The following RAB3B variants were observed in gnomAD, a reference collection of about 807,000 sequenced individuals.
The protein encoded by RAB3B is ras-related protein Rab-3B.
Under a neutral mutation model 20.5 loss-of-function variants are expected in RAB3B, and 11 were observed. The observed-to-expected ratio is 0.54, with a 90% CI of 0.34 to 0.89. The LOEUF (loss-of-function observed/expected upper bound fraction) is 0.89. RAB3B is among the 40% of genes least tolerant of loss of function. The pLI is 0.02. For missense variants in RAB3B, 225 were observed against 280.9 expected (o/e 0.80, Z 1.42); for synonymous variants, 99 against 106.3 (o/e 0.93, Z 0.42).
intron 1 of RAB3B, among the ~76,000 whole-genome samples, chr1:51,979,236 G>A (rs896594885): frequency 1.0e-4 from 15 of 150,128 alleles, no homozygotes; most frequent in African/African-American, 3.7e-4. Context: ...TGCAAAGGCT[G>A]TTGCAAGAAC....
In RAB3B at chr1:51,914,773, A is replaced by C. The variant is rs1190153152; in HGVS notation, c.*5154T>G. ...TCTGAAATCAATGAGATCCCAGGAC[A>C]CTGGTTATTGTAGTTCTTTCCCCTT... On this transcript the variant is annotated 3_prime_UTR_variant, in exon 5 of 5. Coordinates refer to ENST00000371655, the MANE Select transcript of RAB3B (RefSeq NM_002867.4). 1 of 152,140 alleles carries C rather than the reference A, an allele frequency of 6.6e-6. No individual in the cohort carries two copies. The highest frequency in any genetic ancestry group is 2.1e-4 in the South Asian group (1 of 4,828). 9.4% of individuals were successfully genotyped at this position (152,140 alleles called of 1,614,324 possible).
chr1:51,919,846 T>C lies in RAB3B; in HGVS notation c.*81A>G. ...GCAGTGTGTAACAGGGAGAGTGGGC[T>C]GAGAGCGGACAGTGTGTAACAGGGA... On this transcript the variant is annotated 3_prime_UTR_variant, in exon 5 of 5. Coordinates refer to ENST00000371655, the MANE Select transcript of RAB3B (RefSeq NM_002867.4). The C allele has an allele frequency of 7.3e-7, 1 of 1,374,422 alleles. No homozygotes were observed. Among genetic ancestry groups the C allele is most frequent in the Non-Finnish European group, 9.9e-7 (1 of 1,007,522 alleles). 85.1% of individuals were successfully genotyped at this position (1,374,422 alleles called of 1,614,324 possible).
intron 2 of RAB3B, among the ~76,000 whole-genome samples, chr1:51,961,925 C>G (rs530015963): frequency 1.3e-5 from 2 of 152,120 alleles, no homozygotes; most frequent in African/African-American, 4.8e-5. Context: ...TGTCAGCCAC[C>G]AAGCCCCGCT....
At chr1:51,960,144 T>C (rs1234820897) in intron 2 of RAB3B, among the ~76,000 whole-genome samples, 2 of 151,980 alleles carry the variant, frequency 1.3e-5, no homozygotes, top group Non-Finnish European at 2.9e-5. Context: ...GAATCTAAGG[T>C]AGGAAAGGGC....
At chr1:51,970,282 A>ACCAGCAC (rs1312626034) in intron 2 of RAB3B, among the ~76,000 whole-genome samples, 1 of 151,976 alleles carries the variant, frequency 6.6e-6, no homozygotes. Flanking sequence ...TTGCTTGGCA[A>ACCAGCAC]CCAGCACCCA....
chr1:51,933,292 T>A, intron 4 of RAB3B, 26 bp downstream of exon 4: 1 of 1,611,556 alleles, frequency 6.2e-7, no homozygotes. Flanking sequence ...AATGCACACA[T>A]GCACATACAT....
chr1:51,963,976 C>G (rs112997633), intron 2 of RAB3B, among the ~76,000 whole-genome samples: 1 of 152,276 alleles, frequency 6.6e-6, no homozygotes, highest in East Asian at 1.9e-4. Context: ...ACCATACGAA[C>G]GTGCTGCTAC....
Position 51,919,678 on chromosome 1 carries a change from A to C in RAB3B, c.*249T>G. 1 of 385,136 alleles carries C rather than the reference A, an allele frequency of 2.6e-6. No homozygotes were observed. The highest frequency in any genetic ancestry group is 4.6e-6 in the Non-Finnish European group (1 of 215,916). The allele number at this position is 385,136 out of a possible 1,614,324, so 23.9% of individuals were successfully genotyped here. A position where few individuals can be genotyped will look rare whatever the true frequency, so the allele number is the denominator to read the frequency against. ...GTAGTGAATCCCCTTCGTAAAACAGAGTCTTCTTTTGTAAAGTGATTCTGC... is the reference window on the plus strand; with the variant it reads ...GTAGTGAATCCCCTTCGTAAAACAGCGTCTTCTTTTGTAAAGTGATTCTGC... On this transcript the variant is annotated 3_prime_UTR_variant, in exon 5 of 5. Transcript: ENST00000371655.
Position 51,914,614 on chromosome 1 carries a change from C to G in RAB3B, c.*5313G>C, listed in dbSNP as rs1355882897. 2 of 152,100 alleles carry G rather than the reference C, an allele frequency of 1.3e-5. No individual in the cohort carries two copies. The highest frequency in any genetic ancestry group is 4.8e-5 in the African/African-American group (2 of 41,406). The allele number at this position is 152,100 out of a possible 1,614,324, so 9.4% of individuals were successfully genotyped here. ...ATTTTGTCTACTTCATATAATGGATCAGGACCTTAAAAAACCATCATTTAA... is the reference window on the plus strand; with the variant it reads ...ATTTTGTCTACTTCATATAATGGATGAGGACCTTAAAAAACCATCATTTAA... On this transcript the variant is annotated 3_prime_UTR_variant, in exon 5 of 5. Transcript: ENST00000371655.
At chr1:51,983,857 G>A (rs932010997) in intron 1 of RAB3B, among the ~76,000 whole-genome samples, 2 of 151,918 alleles carry the variant, frequency 1.3e-5, no homozygotes, top group African/African-American at 2.4e-5. Context: ...CTAGTCAGGA[G>A]GCTGAAGCAC....
At chr1:51,966,300 T>C (rs546476522) in intron 2 of RAB3B, among the ~76,000 whole-genome samples, 7 of 152,252 alleles carry the variant, frequency 4.6e-5, no homozygotes, top group Non-Finnish European at 1.0e-4. Flanking sequence ...GAGGTAGCTG[T>C]TCTTACAACA....
intron 2 of RAB3B, among the ~76,000 whole-genome samples, chr1:51,949,585 G>A (rs549412029): frequency 3.9e-5 from 6 of 152,368 alleles, no homozygotes; most frequent in African/African-American, 1.4e-4. Flanking sequence ...TGAGGGGCTT[G>A]TGGCTTGACC....
intron 4 of RAB3B, among the ~76,000 whole-genome samples, chr1:51,924,477 G>A (rs1164118927): frequency 2.6e-5 from 4 of 152,170 alleles, no homozygotes; most frequent in Non-Finnish European, 4.4e-5. Flanking sequence ...TAGCACAACA[G>A]GCAGGGGAGA....
At chr1:51,985,942 C>G (rs1685145242) in intron 1 of RAB3B, among the ~76,000 whole-genome samples, 2 of 151,884 alleles carry the variant, frequency 1.3e-5, no homozygotes, top group South Asian at 4.2e-4. Flanking sequence ...AATGGAACTT[C>G]TGTTACCTAA....
At chr1:51,920,421 C>T (rs1228595346) in intron 4 of RAB3B, among the ~76,000 whole-genome samples, 1 of 152,164 alleles carries the variant, frequency 6.6e-6, no homozygotes, top group East Asian at 1.9e-4. Flanking sequence ...TTACCTACTT[C>T]ATAGAATTAT....
chr1:51,925,024 C>T (rs1049884727), intron 4 of RAB3B, among the ~76,000 whole-genome samples: 5 of 152,126 alleles, frequency 3.3e-5, no homozygotes, highest in South Asian at 2.1e-4. Flanking sequence ...AAAATGATCA[C>T]GTTTATCTAC....
intron 4 of RAB3B, among the ~76,000 whole-genome samples, chr1:51,928,231 C>T (rs543364928): frequency 1.8e-4 from 27 of 152,250 alleles, no homozygotes; most frequent in Admixed American, 1.4e-3. Context: ...CTCAGCCTCT[C>T]GAGTAGCTGG....
Position 51,910,801 on chromosome 1 carries a change from C to T in RAB3B, c.*9126G>A, listed in dbSNP as rs1683987199. ...AGCTGCACAGCCTCTTAACAGTCCACTGTTAACCCCAGAAACAGATGCATT... is the reference window on the plus strand; with the variant it reads ...AGCTGCACAGCCTCTTAACAGTCCATTGTTAACCCCAGAAACAGATGCATT... On this transcript the variant is annotated 3_prime_UTR_variant, in exon 5 of 5. Transcript: ENST00000371655. 1 of 152,154 alleles carries T rather than the reference C, an allele frequency of 6.6e-6. No homozygotes were observed. Among genetic ancestry groups the T allele is most frequent in the South Asian group, 2.1e-4 (1 of 4,826 alleles). The allele number at this position is 152,154 out of a possible 1,614,324, so 9.4% of individuals were successfully genotyped here.
intron 2 of RAB3B, among the ~76,000 whole-genome samples, chr1:51,972,099 C>T (rs917154271): frequency 1.3e-5 from 2 of 152,100 alleles, no homozygotes; most frequent in African/African-American, 4.8e-5. Context: ...TGCTTGAACC[C>T]GGGAGGTGGA....
Sources: allele counts gnomAD v4.1 joint callset (sites outside exome capture counted in the v4.1 genomes callset), GRCh38; gene constraint gnomAD v4.1.1; transcripts MANE v1.5; gene names NCBI Gene and HGNC (gene_info 2026-07-23, HGNC 2026-07-21).